ZNF385D: variants seen among roughly 807,000 people sequenced by gnomAD.
The protein encoded by ZNF385D is zinc finger protein 659.
In ZNF385D, 15 loss-of-function variants were observed where a neutral mutation model predicts 35.8. The ratio of observed to expected loss-of-function variants is 0.42; its 90% CI spans 0.28 to 0.64. ZNF385D has a LOEUF of 0.64. Ranked by LOEUF, ZNF385D falls within the 30% of genes least tolerant of loss-of-function variation. The pLI, the probability that ZNF385D is intolerant of heterozygous loss-of-function variation, is 0.23. For synonymous variants in ZNF385D, 212 were observed against 186.8 expected (o/e 1.13, Z -1.10); for missense variants, 474 against 494.6 (o/e 0.96, Z 0.39).
chr3:21,748,853 A>G lies in ZNF385D; in HGVS notation c.22+2042T>C, dbSNP rs936745337. ...ATAGTCTTCAGCATTTTCAAACATT[A>G]GGATGCTATTGAATTTTAACATGCC... On this transcript the variant is annotated intron_variant, in intron 1 of 7. Coordinates refer to ENST00000281523, the MANE Select transcript of ZNF385D (RefSeq NM_024697.3). Among the ~76,000 whole-genome samples, 5 of 152,240 alleles carry G rather than the reference A, an allele frequency of 3.3e-5. No homozygotes were observed. The South Asian group carries it at 1.0e-3, about 31-fold the overall frequency.
chr3:22,363,527 C>A (rs1696513317), intron 2 of ZNF385D, among the ~76,000 whole-genome samples: 1 of 152,146 alleles, frequency 6.6e-6, no homozygotes, highest in African/African-American at 2.4e-5. Context: ...ATGTTGTTCA[C>A]AGGGCCATTC....
rs554923769 is a variant in ZNF385D at position 22,012,686 on chromosome 3, CTA to C, written c.325+156129_325+156130del. ...CTCACTCAACAGGGAAGTATAATGA[CTA>C]TTTCTAGTCTTGGGAAACTTCATGA... On this transcript the variant is annotated intron_variant, in intron 3 of 5. Coordinates refer to the ZNF385D transcript ENST00000494108. 1.8e-3 allele frequency among the ~76,000 whole-genome samples: 274 copies of C among 152,180 alleles called. 3 individuals carry two copies. The highest frequency in any genetic ancestry group is 6.3e-3 in the African/African-American group (263 of 41,536).
intron 2 of ZNF385D, among the ~76,000 whole-genome samples, chr3:22,250,022 T>A (rs909543163): frequency 1.3e-5 from 2 of 152,134 alleles, no homozygotes; most frequent in South Asian, 4.1e-4. Flanking sequence ...AAAAAATAAA[T>A]CTCAATCTTC....
chr3:22,303,678 AT>A (rs1217628790), intron 2 of ZNF385D, among the ~76,000 whole-genome samples: 1 of 152,152 alleles, frequency 6.6e-6, no homozygotes, highest in Non-Finnish European at 1.5e-5. Flanking sequence ...TTTATGTTGT[AT>A]ATACGTTTAC....
chr3:21,606,029 C>G (rs2064470454), intron 2 of ZNF385D, among the ~76,000 whole-genome samples: 1 of 152,168 alleles, frequency 6.6e-6, no homozygotes, highest in South Asian at 2.1e-4. Context: ...CCTCTTTTAC[C>G]TAGGGGACTC....
At chr3:21,715,751 G>C (rs915199165) in intron 1 of ZNF385D, among the ~76,000 whole-genome samples, 2 of 151,760 alleles carry the variant, frequency 1.3e-5, no homozygotes, top group Non-Finnish European at 2.9e-5. Flanking sequence ...AATTTCTTTG[G>C]CAATCTCTTC....
chr3:22,049,681 T>C (rs1559333633), intron 3 of ZNF385D, among the ~76,000 whole-genome samples: 1 of 152,224 alleles, frequency 6.6e-6, no homozygotes, highest in African/African-American at 2.4e-5. Flanking sequence ...TGTGTCGAAA[T>C]AGATTCTTTC....
chr3:22,117,768 A>C (rs994125767), intron 3 of ZNF385D, among the ~76,000 whole-genome samples: 1 of 152,068 alleles, frequency 6.6e-6, no homozygotes, highest in Non-Finnish European at 1.5e-5. Flanking sequence ...TATTCCCAAT[A>C]AAAGAAGAAA....
intron 1 of ZNF385D, among the ~76,000 whole-genome samples, chr3:21,688,170 A>C (rs1487625070): frequency 2.0e-5 from 3 of 152,034 alleles, no homozygotes; most frequent in Non-Finnish European, 4.4e-5. Context: ...TATGTATTTG[A>C]GGGGAACAAA....
chr3:21,770,746 C>A (rs551293579), intron 3 of ZNF385D, among the ~76,000 whole-genome samples: 20 of 152,254 alleles, frequency 1.3e-4, no homozygotes, highest in Admixed American at 4.6e-4. Context: ...TGGGTATATT[C>A]CCAAATGATT....
intron 2 of ZNF385D, among the ~76,000 whole-genome samples, chr3:21,566,486 C>G (rs2063151816): frequency 6.6e-6 from 1 of 152,002 alleles, no homozygotes; most frequent in African/African-American, 2.4e-5. Context: ...AAAAATTAGC[C>G]AGGCATGGTG....
intron 2 of ZNF385D, among the ~76,000 whole-genome samples, chr3:22,247,665 T>G (rs1157164288): frequency 1.3e-5 from 2 of 150,412 alleles, no homozygotes; most frequent in Admixed American, 1.3e-4. Flanking sequence ...TCTCTCTCTC[T>G]GTCACCCAGT....
At chr3:21,997,356 G>A (rs568154060) in intron 3 of ZNF385D, among the ~76,000 whole-genome samples, 3 of 152,190 alleles carry the variant, frequency 2.0e-5, no homozygotes, top group South Asian at 4.2e-4. Flanking sequence ...TCGTGTGGTG[G>A]GGGGATTGGG....
At chr3:22,340,540 G>T (rs1023449449) in intron 2 of ZNF385D, among the ~76,000 whole-genome samples, 4 of 152,072 alleles carry the variant, frequency 2.6e-5, no homozygotes, top group African/African-American at 9.7e-5. Flanking sequence ...TAGCTACTTG[G>T]GAAGCCGAGG....
intron 2 of ZNF385D, among the ~76,000 whole-genome samples, chr3:22,340,307 G>C (rs1016188129): frequency 6.6e-6 from 1 of 151,882 alleles, no homozygotes; most frequent in African/African-American, 2.4e-5. Context: ...TAAAGATTTG[G>C]GCCCAGTTAA....
chr3:21,652,368 T>C (rs953906888), intron 2 of ZNF385D, among the ~76,000 whole-genome samples: 2 of 152,172 alleles, frequency 1.3e-5, no homozygotes, highest in African/African-American at 4.8e-5. Context: ...TGTCAGATAA[T>C]ACAAACAAGT....
At chr3:21,594,660 C>A (rs189961873) in intron 2 of ZNF385D, among the ~76,000 whole-genome samples, 1 of 152,140 alleles carries the variant, frequency 6.6e-6, no homozygotes, top group Non-Finnish European at 1.5e-5. Flanking sequence ...GCTTGGTGAT[C>A]AGTCTGATGT....
intron 3 of ZNF385D, among the ~76,000 whole-genome samples, chr3:22,024,900 C>G (rs1697442491): frequency 6.6e-6 from 1 of 152,148 alleles, no homozygotes; most frequent in Admixed American, 6.5e-5. Context: ...GTAAGATTCC[C>G]TGAGTGAGAG....
At chr3:22,258,427 G>T (rs943842064) in intron 2 of ZNF385D, among the ~76,000 whole-genome samples, 1 of 151,674 alleles carries the variant, frequency 6.6e-6, no homozygotes, top group Non-Finnish European at 1.5e-5. Context: ...TACATTTGTT[G>T]CTATTTTGGA....
Sources: gnomAD v4.1 joint callset for allele counts (sites outside exome capture counted in the v4.1 genomes callset) on GRCh38, gnomAD v4.1.1 for gene constraint, MANE v1.5 for transcripts, NCBI Gene and HGNC (gene_info 2026-07-23, HGNC 2026-07-21) for gene names.